Variants in CEP112 observed in about 807,000 individuals in gnomAD.
CEP112 encodes the protein centrosomal protein of 112 kDa.
Under a neutral mutation model 153.0 loss-of-function variants are expected in CEP112, and 127 were observed. That is an observed-to-expected ratio of 0.83 (90% CI 0.72 to 0.96). The LOEUF (loss-of-function observed/expected upper bound fraction) is 0.96, where lower values mean the gene tolerates loss of function less well. CEP112 is among the 40% of genes least tolerant of loss of function. The probability of loss-of-function intolerance (pLI) is 0.00; values close to 1 mark genes in which losing one functional copy is unlikely to be tolerated. For synonymous variants in CEP112, 358 were observed against 374.4 expected (o/e 0.96, Z 0.51); for missense variants, 1,089 against 1,101.2 (o/e 0.99, Z 0.16).
intron 4 of CEP112, among the ~76,000 whole-genome samples, chr17:66,156,152 G>A (rs146841316): frequency 0.034 from 5,187 of 152,166 alleles, 132 homozygotes; most frequent in Middle Eastern, 0.061. Flanking sequence ...GGCATCTGGC[G>A]GATGCCCCTC....
intron 17 of CEP112, among the ~76,000 whole-genome samples, chr17:65,982,771 G>A (rs992172209): frequency 1.3e-5 from 2 of 152,168 alleles, no homozygotes; most frequent in East Asian, 3.8e-4. Flanking sequence ...AATATTCATA[G>A]CAGCACTATT....
chr17:65,673,926 G>A (rs377151966), intron 24 of CEP112, among the ~76,000 whole-genome samples: 1 of 152,070 alleles, frequency 6.6e-6, no homozygotes, highest in Non-Finnish European at 1.5e-5. Context: ...ACCCAAGCTG[G>A]AGTATAGTGG....
intron 15 of CEP112, among the ~76,000 whole-genome samples, 171 bp downstream of exon 15, chr17:66,028,142 T>A (rs2065301312): frequency 6.9e-6 from 1 of 145,074 alleles, no homozygotes; most frequent in African/African-American, 2.5e-5. Context: ...TCTCAAAGCA[T>A]CAATCTCTAT....
At chr17:65,864,913 A>AGTGTGT (rs6146121) in intron 20 of CEP112, among the ~76,000 whole-genome samples, 38 of 144,506 alleles carry the variant, frequency 2.6e-4, no homozygotes, top group African/African-American at 7.6e-4. Flanking sequence ...GGGGTAAGCA[A>AGTGTGT]GTGTGTGTGT....
intron 18 of CEP112, among the ~76,000 whole-genome samples, chr17:65,957,536 G>A (rs1013443486): frequency 6.6e-6 from 1 of 151,930 alleles, no homozygotes; most frequent in Non-Finnish European, 1.5e-5. Context: ...CTGAATATAA[G>A]TGATATATTT....
chr17:65,707,770 C>T (rs1288726371), intron 23 of CEP112, among the ~76,000 whole-genome samples: 2 of 152,142 alleles, frequency 1.3e-5, no homozygotes, highest in Non-Finnish European at 2.9e-5. Flanking sequence ...CAAAGAAAAA[C>T]TCTTAATATT....
At chr17:66,062,029 C>T (rs1216451568) in intron 11 of CEP112, among the ~76,000 whole-genome samples, 3 of 152,124 alleles carry the variant, frequency 2.0e-5, no homozygotes, top group Non-Finnish European at 4.4e-5. Context: ...GTGGTAGTTC[C>T]TCCTGTGTTC....
chr17:66,190,890 G>T (rs530898410), intron 1 of CEP112, among the ~76,000 whole-genome samples: 61 of 152,190 alleles, frequency 4.0e-4, no homozygotes, highest in Admixed American at 4.6e-4. Flanking sequence ...CAAAACAAAC[G>T]TTCTTGGAAG....
rs2060593298 is a variant in CEP112, at chr17:65,918,833, T to C, written c.1980+8749A>G. ...TTTCTTTCCACATCTGCACACTTTA[T>C]GCCTGGATTTTGGCTAAGATACTTT... On this transcript the variant is annotated intron_variant, in intron 19 of 26. Coordinates refer to ENST00000535342, the MANE Select transcript of CEP112 (RefSeq NM_001199165.4). Among the ~76,000 whole-genome samples the C allele has an allele frequency of 2.0e-5, 3 of 152,246 alleles. No homozygotes were observed. The South Asian group carries it at 6.2e-4, about 31-fold the overall frequency.
At chr17:65,957,153 A>T (rs1445003753) in intron 18 of CEP112, among the ~76,000 whole-genome samples, 1 of 152,240 alleles carries the variant, frequency 6.6e-6, no homozygotes, top group African/African-American at 2.4e-5. Context: ...AGGTAACTGA[A>T]ACCATGGAAA....
At chr17:66,084,360 C>T (rs984065669) in intron 8 of CEP112, among the ~76,000 whole-genome samples, 1 of 152,136 alleles carries the variant, frequency 6.6e-6, no homozygotes, top group African/African-American at 2.4e-5. Flanking sequence ...ATTTGCACTC[C>T]CATGTTTATT....
chr17:65,908,562 T>C (rs1314087800), intron 19 of CEP112, among the ~76,000 whole-genome samples: 3 of 151,882 alleles, frequency 2.0e-5, no homozygotes, highest in Non-Finnish European at 4.4e-5. Flanking sequence ...GGTGTGGTGG[T>C]GTATGCACGC....
At chr17:65,680,315 C>A (rs927049311) in intron 24 of CEP112, among the ~76,000 whole-genome samples, 1 of 152,146 alleles carries the variant, frequency 6.6e-6, no homozygotes, top group African/African-American at 2.4e-5. Flanking sequence ...AAAGTCTAGA[C>A]AAGAATACAC....
chr17:66,134,574 A>T (rs1162141595), intron 4 of CEP112, among the ~76,000 whole-genome samples: 1 of 152,228 alleles, frequency 6.6e-6, no homozygotes, highest in Non-Finnish European at 1.5e-5. Flanking sequence ...GCAGTAGCTC[A>T]CAACTGTAAT....
Position 66,058,123 on chromosome 17 carries a change from C to T in CEP112, c.1075-4244G>A, listed in dbSNP as rs551844410. Among the ~76,000 whole-genome samples, 18 of 150,470 alleles carry T rather than the reference C, an allele frequency of 1.2e-4. 1 individual carries two copies. Among genetic ancestry groups the T allele is most frequent in the Admixed American group, 9.4e-4 (14 of 14,862 alleles). On this transcript the variant is annotated intron_variant, in intron 11 of 26. Transcript: ENST00000535342. Reference sequence around the variant, plus strand: ...AAAAAAAAAACTTCAAGCAGGTTTACGTATTTACACATCCACTATTTATTG... The same window carrying T: ...AAAAAAAAAACTTCAAGCAGGTTTATGTATTTACACATCCACTATTTATTG...
intron 17 of CEP112, among the ~76,000 whole-genome samples, chr17:65,970,505 A>G (rs368524297): frequency 6.6e-6 from 1 of 150,828 alleles, no homozygotes; most frequent in Non-Finnish European, 1.5e-5. Flanking sequence ...CATGCATATT[A>G]TATGCATGCA....
intron 23 of CEP112, among the ~76,000 whole-genome samples, chr17:65,694,070 A>C (rs1388547731): frequency 6.6e-6 from 1 of 152,210 alleles, no homozygotes; most frequent in Non-Finnish European, 1.5e-5. Context: ...ACCAGAGCTC[A>C]CTAGGACCCC....
intron 17 of CEP112, among the ~76,000 whole-genome samples, chr17:66,000,056 A>G (rs1290678982): frequency 6.6e-6 from 1 of 152,166 alleles, no homozygotes; most frequent in African/African-American, 2.4e-5. Context: ...TTTATAATAG[A>G]ACACGATTTT....
intron 8 of CEP112, among the ~76,000 whole-genome samples, chr17:66,076,313 G>A (rs1389208147): frequency 6.6e-6 from 1 of 152,128 alleles, no homozygotes; most frequent in Non-Finnish European, 1.5e-5. Context: ...CCTGGGGCAA[G>A]TTCTCCAGCC....
Sources: allele counts gnomAD v4.1 joint callset (sites outside exome capture counted in the v4.1 genomes callset), GRCh38; gene constraint gnomAD v4.1.1; transcripts MANE v1.5; gene names NCBI Gene and HGNC (gene_info 2026-07-23, HGNC 2026-07-21).